The following CARMIL1 variants were observed in gnomAD, a reference collection of about 807,000 sequenced individuals.
CARMIL1 encodes the protein F-actin-uncapping protein LRRC16A.
Under a neutral mutation model 177.1 loss-of-function variants are expected in CARMIL1, and 90 were observed. The observed-to-expected ratio is 0.51, with a 90% confidence interval of 0.43 to 0.61. CARMIL1 has a LOEUF of 0.61. CARMIL1 is among the 20% of genes least tolerant of loss of function. The probability of loss-of-function intolerance (pLI) is 0.00; values close to 1 mark genes in which losing one functional copy is unlikely to be tolerated. For synonymous variants in CARMIL1, 577 were observed against 606.2 expected (o/e 0.95, Z 0.71); for missense variants, 1,380 against 1,667.0 (o/e 0.83, Z 3.00).
At chr6:25,472,561 A>G (rs774479229) in intron 11 of CARMIL1, 40 bp downstream of exon 11, 2 of 1,457,648 alleles carry the variant, frequency 1.4e-6, no homozygotes, top group Admixed American at 2.0e-5. Flanking sequence ...CCAGAATTGT[A>G]AGAGGATTAG....
Position 25,501,782 on chromosome 6 carries a change from A to G in CARMIL1, c.1395+1547A>G, listed in dbSNP as rs536360193. The stretch of plus-strand genomic sequence containing the variant: ...TTCCCCTATCTCCTAGCAAAATGCC[A>G]GGCACCAAGCCAGTACTAAATATTG... On this transcript the variant is annotated intron_variant, in intron 17 of 36. Coordinates refer to ENST00000329474, the MANE Select transcript of CARMIL1 (RefSeq NM_017640.6). 1.7e-4 allele frequency among the ~76,000 whole-genome samples: 26 copies of G among 152,282 alleles called. No individual in the cohort carries two copies. In the South Asian group the frequency reaches 3.7e-3, roughly 22 times the overall value.
In CARMIL1 at chr6:25,303,722, A is replaced by C. The variant is rs139436542; in HGVS notation, c.138+18813A>C. Reference sequence around the variant, plus strand: ...AACGCTGTACAAATTAGCCAACTGGAGAAATATATGTTAAATAACGGGTGA... The same window carrying C: ...AACGCTGTACAAATTAGCCAACTGGCGAAATATATGTTAAATAACGGGTGA... On this transcript the variant is annotated intron_variant, in intron 2 of 36. Transcript: ENST00000329474. Among the ~76,000 whole-genome samples the C allele has an allele frequency of 7.5e-3, 1,143 of 152,360 alleles. 9 individuals are homozygous for C. The highest frequency in any genetic ancestry group is 0.02 in the African/African-American group (831 of 41,574).
At chr6:25,436,571 G>T (rs1797245500) in intron 5 of CARMIL1, among the ~76,000 whole-genome samples, 1 of 152,232 alleles carries the variant, frequency 6.6e-6, no homozygotes, top group African/African-American at 2.4e-5. Context: ...AAACCTTATG[G>T]ATGACTAAAA....
At chr6:25,486,783 T>C (rs1039833615) in intron 12 of CARMIL1, among the ~76,000 whole-genome samples, 1 of 152,156 alleles carries the variant, frequency 6.6e-6, no homozygotes, top group African/African-American at 2.4e-5. Flanking sequence ...TGTCTCCTGC[T>C]CCACTGGCCT....
intron 10 of CARMIL1, 107 bp downstream of exon 10, chr6:25,471,364 T>A: frequency 1.5e-6 from 1 of 654,150 alleles, no homozygotes. Context: ...TGATCACATA[T>A]ACAGCAATGT....
At chr6:25,521,597 G>A (rs113076056) in intron 23 of CARMIL1, among the ~76,000 whole-genome samples, 5 of 152,094 alleles carry the variant, frequency 3.3e-5, no homozygotes, top group Admixed American at 1.3e-4. Flanking sequence ...GTGAAACCCC[G>A]TCTCTACTGA....
chr6:25,287,553 T>G (rs1161236487), intron 2 of CARMIL1: 1 of 152,824 alleles, frequency 6.5e-6, no homozygotes, highest in Non-Finnish European at 1.5e-5. Context: ...ATAGCTAATA[T>G]TTATTAAACA....
chr6:25,506,355 T>C (rs987089439), intron 17 of CARMIL1, among the ~76,000 whole-genome samples: 3 of 152,222 alleles, frequency 2.0e-5, no homozygotes, highest in Admixed American at 6.5e-5. Flanking sequence ...AGGACCAGTC[T>C]GGCTAACATG....
chr6:25,482,295 A>G lies in CARMIL1; in HGVS notation c.913A>G (p.Lys305Glu). 6.3e-7 allele frequency: 1 copy of G among 1,592,562 alleles called. No homozygotes were observed. The highest frequency in any genetic ancestry group is 8.6e-7 in the Non-Finnish European group (1 of 1,166,464). The change falls in exon 12 of 37, where the codon AAG becomes GAG. Residue 305 changes from lysine to glutamate, a missense_variant. Transcript: ENST00000329474. The part of the protein sequence containing the change: ...SLSIQFAKLP[K>E]GLKHLNLSKT... ...AAGTATTCAATTTGCCAAACTCCCA[A>G]AGGGATTAAAGCACTTAAATTTATC...
At position 25,521,585 on chromosome 6, in the gene CARMIL1, C is replaced by T. The variant is rs1373882527; in HGVS notation, c.1968+1248C>T. On this transcript the variant is annotated intron_variant, in intron 23 of 36. Transcript: ENST00000329474. ...GAGATCGAGACCATCCTGGCTAACA[C>T]GGTGAAACCCCGTCTCTACTGAAAA... 2.6e-5 allele frequency among the ~76,000 whole-genome samples: 4 copies of T among 152,040 alleles called. 1 individual carries two copies. Among genetic ancestry groups the T allele is most frequent in the South Asian group, 4.2e-4 (2 of 4,802 alleles).
At chr6:25,293,952 GCT>G (rs1782192111) in intron 2 of CARMIL1, among the ~76,000 whole-genome samples, 1 of 152,300 alleles carries the variant, frequency 6.6e-6, no homozygotes, top group East Asian at 1.9e-4. Flanking sequence ...GAACTCCTGA[GCT>G]CAAGTCATCC....
intron 2 of CARMIL1, among the ~76,000 whole-genome samples, chr6:25,390,314 ATATATATT>A (rs1424583155): frequency 2.0e-3 from 79 of 39,488 alleles, no homozygotes; most frequent in African/African-American, 7.1e-3. Context: ...ATATATATAT[ATATATATT>A]TTTTTTTTTT....
chr6:25,387,393 A>C (rs10946766), intron 2 of CARMIL1, among the ~76,000 whole-genome samples: 5,982 of 152,328 alleles, frequency 0.039, 432 homozygotes, highest in East Asian at 0.28. Context: ...TCAATGAATA[A>C]GTGAATAGCT....
intron 2 of CARMIL1, among the ~76,000 whole-genome samples, chr6:25,312,919 A>C (rs997324): frequency 0.46 from 61,194 of 133,006 alleles, 13,307 homozygotes; most frequent in South Asian, 0.54. Context: ...AAAAAAAAAA[A>C]AAAAAAAAAA....
intron 35 of CARMIL1, among the ~76,000 whole-genome samples, chr6:25,608,713 G>A (rs1562338451): frequency 6.6e-6 from 1 of 152,124 alleles, no homozygotes; most frequent in Non-Finnish European, 1.5e-5. Context: ...TGGTGAAGGT[G>A]GATAGTGTTA....
chr6:25,614,330 G>A (rs532941390), intron 36 of CARMIL1, among the ~76,000 whole-genome samples: 3 of 152,320 alleles, frequency 2.0e-5, no homozygotes, highest in Non-Finnish European at 2.9e-5. Flanking sequence ...TTTGGGCTGG[G>A]TAGCTCCTGC....
chr6:25,508,993 A>G (rs900619830), intron 17 of CARMIL1, among the ~76,000 whole-genome samples: 3 of 152,166 alleles, frequency 2.0e-5, no homozygotes, highest in East Asian at 1.9e-4. Context: ...TAAAATTGCA[A>G]ATGAGGTGAG....
chr6:25,443,865 A>G (rs770778082), intron 5 of CARMIL1, among the ~76,000 whole-genome samples: 1 of 151,624 alleles, frequency 6.6e-6, no homozygotes, highest in Non-Finnish European at 1.5e-5. Context: ...GTGCAATGGC[A>G]CGATCTCGGC....
At chr6:25,596,276 T>G (rs907251982) in intron 32 of CARMIL1, among the ~76,000 whole-genome samples, 1 of 152,174 alleles carries the variant, frequency 6.6e-6, no homozygotes, top group Non-Finnish European at 1.5e-5. Flanking sequence ...TCAAATAATA[T>G]GATGGAATCT....
Sources: allele counts gnomAD v4.1 joint callset (sites outside exome capture counted in the v4.1 genomes callset), GRCh38; gene constraint gnomAD v4.1.1; transcripts MANE v1.5; gene names NCBI Gene and HGNC (gene_info 2026-07-23, HGNC 2026-07-21).